ACOT7: variants seen among roughly 807,000 people sequenced by gnomAD.
ACOT7 encodes cytosolic acyl coenzyme A thioester hydrolase.
ACOT7 carries 12 observed loss-of-function variants against 40.2 expected under a neutral mutation model. The ratio of observed to expected loss-of-function variants is 0.30; its 90% CI spans 0.19 to 0.48. The LOEUF is 0.48. Ranked by LOEUF, ACOT7 falls within the 20% of genes least tolerant of loss-of-function variation. ACOT7 has a pLI of 0.99. For synonymous variants in ACOT7, 228 were observed against 219.5 expected (o/e 1.04, Z -0.34); for missense variants, 395 against 530.8 (o/e 0.74, Z 2.51).
intron 6 of ACOT7, among the ~76,000 whole-genome samples, chr1:6,313,696 G>T (rs760351837): frequency 1.3e-5 from 2 of 152,152 alleles, no homozygotes; most frequent in Non-Finnish European, 2.9e-5. Context: ...GCAACATGTG[G>T]CTCACCAAGA....
intron 4 of ACOT7, 135 bp from the exon 5 acceptor site, chr1:6,327,548 T>G (rs1215630976): frequency 1.0e-5 from 7 of 689,354 alleles, no homozygotes; most frequent in African/African-American, 1.8e-5. Flanking sequence ...TGTTTTAATA[T>G]AAGTAATAAG....
intron 4 of ACOT7, among the ~76,000 whole-genome samples, chr1:6,328,341 A>C (rs970000132): frequency 6.6e-6 from 1 of 152,192 alleles, no homozygotes; most frequent in Non-Finnish European, 1.5e-5. Flanking sequence ...TTTTGACTCC[A>C]GAAGTTAAAA....
intron 1 of ACOT7, among the ~76,000 whole-genome samples, chr1:6,354,748 C>A (rs1366468128): frequency 1.4e-5 from 1 of 73,274 alleles, no homozygotes; most frequent in African/African-American, 5.6e-5. Flanking sequence ...CTCTAGCCCC[C>A]CCATGGCCTC....
At chr1:6,268,799 A>AACG (rs1449928216) in intron 8 of ACOT7, among the ~76,000 whole-genome samples, 1 of 152,212 alleles carries the variant, frequency 6.6e-6, no homozygotes, top group Non-Finnish European at 1.5e-5. Context: ...CGAGTCCCCT[A>AACG]ACGATCTGGC....
At position 6,364,542 on chromosome 1, in the gene ACOT7, C is replaced by CA. The variant is rs553139824; in HGVS notation, c.144-14677dup. Among the ~76,000 whole-genome samples, 558 of 75,488 alleles carry CA rather than the reference C, an allele frequency of 7.4e-3. 1 individual carries two copies. Among genetic ancestry groups the CA allele is most frequent in the Middle Eastern group, 0.016 (2 of 126 alleles). 49.5% of individuals were successfully genotyped at this position (75,488 alleles called of 152,430 possible). ...GGTGACAGAGCAAGAGACTCTGTCT[C>CA]AAAAAAAAAAAAAAGCCCAGCATTT... On this transcript the variant is annotated intron_variant, in intron 1 of 8. Coordinates refer to ENST00000361521, the MANE Select transcript of ACOT7 (RefSeq NM_007274.4).
intron 1 of ACOT7, among the ~76,000 whole-genome samples, chr1:6,375,591 C>T (rs552258671): frequency 5.3e-5 from 8 of 152,124 alleles, no homozygotes; most frequent in African/African-American, 1.7e-4. Flanking sequence ...ATCGCTTGAA[C>T]CCAGGAGTTC....
intron 1 of ACOT7, among the ~76,000 whole-genome samples, chr1:6,373,281 C>T (rs544847582): frequency 8.6e-5 from 13 of 151,938 alleles, no homozygotes; most frequent in South Asian, 4.2e-4. Context: ...GAAGGAGTCT[C>T]GCTCTGTTGC....
intron 6 of ACOT7, among the ~76,000 whole-genome samples, chr1:6,307,706 C>T (rs958238034): frequency 1.3e-5 from 2 of 151,794 alleles, no homozygotes; most frequent in Admixed American, 6.5e-5. Flanking sequence ...GAGGGAACCA[C>T]AACAGGCGGA....
chr1:6,385,895 G>A, intron 1 of ACOT7: 3 of 1,269,744 alleles, frequency 2.4e-6, no homozygotes, highest in Non-Finnish European at 2.1e-6. Flanking sequence ...AAAGACCAGT[G>A]ATGCAAGGAA....
Position 6,382,193 on chromosome 1 carries a change from C to G in ACOT7, c.143+11064G>C, listed in dbSNP as rs1047014129. Among the ~76,000 whole-genome samples the G allele has an allele frequency of 3.3e-5, 5 of 151,360 alleles. No homozygotes were observed. In the South Asian group the frequency reaches 1.0e-3, roughly 32 times the overall value. ...CTTTGGGAGGCCGAGGCAGGCGGAT[C>G]ACGAGGTCAAGACCATTCTAGCCAA... is the stretch of plus-strand genomic sequence containing the variant. On this transcript the variant is annotated intron_variant, in intron 1 of 8. Transcript: ENST00000361521.
chr1:6,300,549 C>G (rs1219541489), intron 6 of ACOT7, among the ~76,000 whole-genome samples: 1 of 147,086 alleles, frequency 6.8e-6, no homozygotes, highest in Non-Finnish European at 1.5e-5. Context: ...AGAATCTCAC[C>G]GGACCCCACC....
Position 6,372,023 on chromosome 1 carries a change from C to T in ACOT7, c.143+21234G>A, listed in dbSNP as rs142094974. The stretch of plus-strand genomic sequence containing the variant: ...TTGCACCACTGCACTCCACCCTGGG[C>T]GACAGAGCAAAACTCTGTGTCAAAA... On this transcript the variant is annotated intron_variant, in intron 1 of 8. Transcript: ENST00000361521. 1.3e-3 allele frequency among the ~76,000 whole-genome samples: 199 copies of T among 150,458 alleles called. 1 individual carries two copies. The highest frequency in any genetic ancestry group is 4.0e-3 in the African/African-American group (163 of 40,778).
chr1:6,347,153 C>T (rs748648825), intron 2 of ACOT7, among the ~76,000 whole-genome samples: 8 of 152,104 alleles, frequency 5.3e-5, no homozygotes, highest in Non-Finnish European at 1.0e-4. Flanking sequence ...CCCAGCAAAG[C>T]CCTTCTAGGC....
intron 1 of ACOT7, among the ~76,000 whole-genome samples, chr1:6,373,303 T>A (rs1339005439): frequency 6.6e-6 from 1 of 151,490 alleles, no homozygotes; most frequent in Non-Finnish European, 1.5e-5. Flanking sequence ...CAGGCTAGAG[T>A]GTAGTGGCAT....
chr1:6,327,789 T>C (rs184427051), intron 4 of ACOT7, among the ~76,000 whole-genome samples: 4,185 of 152,254 alleles, frequency 0.027, 202 homozygotes, highest in African/African-American at 0.095. Flanking sequence ...CTTTTCTTTG[T>C]TTTTGAGATG....
Position 6,330,668 on chromosome 1 carries a change from G to A in ACOT7, c.510+2809C>T, listed in dbSNP as rs996934883. Reference sequence around the variant, plus strand: ...GGCAAGGAGAGGCGAGGCTAACAGGGGCCACGCTGAAAGCACCCTGTCCCT... The same window carrying A: ...GGCAAGGAGAGGCGAGGCTAACAGGAGCCACGCTGAAAGCACCCTGTCCCT... On this transcript the variant is annotated intron_variant, in intron 4 of 8. Transcript: ENST00000361521. This position sits in a 1 kb window ranked among gnomAD's most constrained non-coding sequence, Gnocchi z 4.6. Among the ~76,000 whole-genome samples the A allele has an allele frequency of 5.9e-5, 9 of 152,158 alleles. No homozygotes were observed. The highest frequency in any genetic ancestry group is 1.3e-4 in the Admixed American group (2 of 15,278).
chr1:6,304,601 C>T (rs531705453), intron 6 of ACOT7, among the ~76,000 whole-genome samples: 4 of 134,340 alleles, frequency 3.0e-5, no homozygotes, highest in South Asian at 5.1e-4. Flanking sequence ...TGACTCTTAA[C>T]GAGCATGCTG....
At chr1:6,388,737 TAAAAA>T (rs34026058) in intron 1 of ACOT7, among the ~76,000 whole-genome samples, 1 of 84,630 alleles carries the variant, frequency 1.2e-5, no homozygotes, top group East Asian at 3.6e-4. Flanking sequence ...GAGACTCTCT[TAAAAA>T]AAAAAAAAAA....
intron 1 of ACOT7, among the ~76,000 whole-genome samples, chr1:6,354,042 C>G (rs1243822722): frequency 6.6e-6 from 1 of 152,210 alleles, no homozygotes; most frequent in Non-Finnish European, 1.5e-5. Context: ...TCTGTTCCAG[C>G]TGCTCCTGTC....
Sources: gnomAD v4.1 joint callset for allele counts (sites outside exome capture counted in the v4.1 genomes callset) on GRCh38, gnomAD v4.1.1 for gene constraint, Gnocchi (gnomAD v3.1) non-coding constraint, MANE v1.5 for transcripts, NCBI Gene and HGNC (gene_info 2026-07-23, HGNC 2026-07-21) for gene names.